The following PDZD2 variants were observed in gnomAD, a reference collection of about 807,000 sequenced individuals.
PDZD2 encodes PDZ domain-containing protein 2.
In PDZD2, 90 loss-of-function variants were observed where a neutral mutation model predicts 220.7. The observed-to-expected ratio is 0.41, with a 90% CI of 0.34 to 0.49. The LOEUF is 0.49. Ranked by LOEUF, PDZD2 falls within the 20% of genes least tolerant of loss-of-function variation. The pLI, the probability that PDZD2 is intolerant of heterozygous loss-of-function variation, is 0.28. For missense variants in PDZD2, 3,174 were observed against 3,608.5 expected (o/e 0.88, Z 3.08); for synonymous variants, 1,375 against 1,450.5 (o/e 0.95, Z 1.18).
At chr5:31,881,231 T>C (rs7711349) in intron 2 of PDZD2, among the ~76,000 whole-genome samples, 5,284 of 152,054 alleles carry the variant, frequency 0.035, 284 homozygotes, top group African/African-American at 0.11. Flanking sequence ...ATAGTTGCCA[T>C]TATGATTGGA....
At chr5:31,671,901 G>A (rs1293821378) in intron 1 of PDZD2, among the ~76,000 whole-genome samples, 1 of 152,162 alleles carries the variant, frequency 6.6e-6, no homozygotes, top group Non-Finnish European at 1.5e-5. Flanking sequence ...GTCCTCACCT[G>A]GAGGGGTGGA....
chr5:32,058,793 G>A (rs1037938326), intron 12 of PDZD2, among the ~76,000 whole-genome samples: 2 of 152,070 alleles, frequency 1.3e-5, no homozygotes, highest in Non-Finnish European at 1.5e-5. Flanking sequence ...ATTCATGCGT[G>A]ATCACCAAAT....
At chr5:31,948,625 G>T (rs1746875547) in intron 2 of PDZD2, among the ~76,000 whole-genome samples, 4 of 152,106 alleles carry the variant, frequency 2.6e-5, no homozygotes, top group Admixed American at 2.6e-4. Context: ...CAGACATAAG[G>T]TATAAAAAGA....
chr5:31,976,707 CTTCTTTCTTT>C (rs1443410471), intron 2 of PDZD2, among the ~76,000 whole-genome samples: 16 of 121,658 alleles, frequency 1.3e-4, no homozygotes, highest in South Asian at 5.4e-4. Flanking sequence ...TCCTTTTTTT[CTTCTTTCTTT>C]TTTTTTTTTT....
intron 19 of PDZD2, among the ~76,000 whole-genome samples, chr5:32,079,197 T>C (rs1289124002): frequency 6.8e-6 from 1 of 146,490 alleles, no homozygotes; most frequent in Non-Finnish European, 1.5e-5. Context: ...AGGCAGAGGT[T>C]GCAGTGAGCT....
At chr5:31,976,752 C>T (rs549068534) in intron 2 of PDZD2, among the ~76,000 whole-genome samples, 7 of 123,326 alleles carry the variant, frequency 5.7e-5, no homozygotes, top group African/African-American at 1.2e-4. Context: ...GAGTCTCCCT[C>T]GGTTGCCCAG....
At position 32,098,166 on chromosome 5, in the gene PDZD2, G is replaced by C. The variant is rs964860590; in HGVS notation, c.7948-198G>C. On this transcript the variant is annotated intron_variant, in intron 22 of 24. Transcript: ENST00000438447. The surrounding 1 kb of genome is among the most constrained non-coding windows in gnomAD (Gnocchi z 4.1). ...CCAGCTACTCAGGAGGCTGAGGCAG[G>C]AGAATCGCTTGAACCCGGGAGGCTG... Among the ~76,000 whole-genome samples the C allele has an allele frequency of 1.3e-5, 2 of 152,112 alleles. No homozygotes were observed. Among genetic ancestry groups the C allele is most frequent in the African/African-American group, 4.8e-5 (2 of 41,416 alleles).
intron 19 of PDZD2, among the ~76,000 whole-genome samples, chr5:32,081,036 T>C (rs1741895517): frequency 6.6e-6 from 1 of 151,176 alleles, no homozygotes; most frequent in Non-Finnish European, 1.5e-5. Context: ...CATTTCCCTG[T>C]GTAACAAACC....
At chr5:31,679,433 C>T (rs1381104306) in intron 1 of PDZD2, among the ~76,000 whole-genome samples, 2 of 152,190 alleles carry the variant, frequency 1.3e-5, no homozygotes, top group African/African-American at 2.4e-5. Context: ...TCTTGTGGGG[C>T]ATTGTGATCT....
chr5:31,895,495 A>G (rs1741463218), intron 2 of PDZD2, among the ~76,000 whole-genome samples: 1 of 152,108 alleles, frequency 6.6e-6, no homozygotes, highest in Admixed American at 6.5e-5. Context: ...TGAGAAATAC[A>G]TTTCTACTGT....
In PDZD2 at chr5:31,675,644, C is replaced by T. The variant is rs544346003; in HGVS notation, c.-361+36207C>T. Among the ~76,000 whole-genome samples the T allele has an allele frequency of 9.8e-5, 15 of 152,294 alleles. No individual in the cohort carries two copies. In the South Asian group the frequency reaches 2.1e-3, roughly 21 times the overall value. On this transcript the variant is annotated intron_variant, in intron 1 of 24. Transcript: ENST00000438447. ...GCACTCCAGAATCACGTGGCCCAATCGATGTCTTACATTCTATCAGTCCTT... is the reference window on the plus strand; with the variant it reads ...GCACTCCAGAATCACGTGGCCCAATTGATGTCTTACATTCTATCAGTCCTT...
At chr5:32,014,921 GATAGTCTCA>G (rs1753661280) in intron 6 of PDZD2, among the ~76,000 whole-genome samples, 1 of 142,978 alleles carries the variant, frequency 7.0e-6, no homozygotes, top group African/African-American at 2.7e-5. Context: ...TGTTGGCCAG[GATAGTCTCA>G]ATCTCTCTCT....
In PDZD2 at chr5:31,814,874, G is replaced by T. The variant is rs184945517; in HGVS notation, c.476+15150G>T. Among the ~76,000 whole-genome samples the T allele has an allele frequency of 2.2e-4, 33 of 152,094 alleles. No individual in the cohort carries two copies. In the East Asian group the frequency reaches 5.2e-3, roughly 24 times the overall value. On this transcript the variant is annotated intron_variant, in intron 2 of 24. Coordinates refer to ENST00000438447, the MANE Select transcript of PDZD2 (RefSeq NM_178140.4). ...TGGAATCAATAGAAAGGAGCGTATG[G>T]GTTAAGATAGGCGGTTGTGCAGGCC...
At chr5:31,913,634 G>T (rs1743400214) in intron 2 of PDZD2, among the ~76,000 whole-genome samples, 1 of 152,154 alleles carries the variant, frequency 6.6e-6, no homozygotes, top group Admixed American at 6.5e-5. Context: ...GCCAGTGTGG[G>T]TTTCTGTCTT....
intron 2 of PDZD2, among the ~76,000 whole-genome samples, chr5:31,864,664 C>G (rs889294184): frequency 6.6e-6 from 1 of 151,800 alleles, no homozygotes; most frequent in Non-Finnish European, 1.5e-5. Context: ...GGATTACAGG[C>G]ATGAACCACC....
chr5:32,107,887 C>CT, intron 24 of PDZD2, 82 bp from the exon 25 acceptor site: 2 of 837,574 alleles, frequency 2.4e-6, no homozygotes, highest in Non-Finnish European at 3.8e-6. Context: ...ATTTTTATCA[C>CT]TTAAAAGTTT....
Position 31,916,898 on chromosome 5 carries a change from GCTAA to G in PDZD2, c.477-66254_477-66251del, listed in dbSNP as rs76221364. On this transcript the variant is annotated intron_variant, in intron 2 of 24. Transcript: ENST00000438447. ...CTTCTGGTTTTAGTGAGAGCCCTGTGCTAACTGTCATCATGACAGGCCCAGTTTG... is the reference window on the plus strand; with the variant it reads ...CTTCTGGTTTTAGTGAGAGCCCTGTGCTGTCATCATGACAGGCCCAGTTTG... 0.023 allele frequency among the ~76,000 whole-genome samples: 3,517 copies of G among 152,266 alleles called. 378 individuals carry two copies. The East Asian group carries it at 0.34, about 15-fold the overall frequency.
chr5:32,057,813 T>C, intron 11 of PDZD2, 65 bp from the exon 12 acceptor site: 2 of 1,441,034 alleles, frequency 1.4e-6, no homozygotes, highest in Non-Finnish European at 1.9e-6. Context: ...TGTTTTTTTT[T>C]TTTAACCCTT....
intron 1 of PDZD2, among the ~76,000 whole-genome samples, chr5:31,649,339 A>T (rs1285791477): frequency 6.6e-6 from 1 of 151,736 alleles, no homozygotes; most frequent in African/African-American, 2.4e-5. Context: ...GACATGCTGT[A>T]CTTCTTTCAG....
Sources: gnomAD v4.1 joint callset for allele counts (sites outside exome capture counted in the v4.1 genomes callset) on GRCh38, gnomAD v4.1.1 for gene constraint, Gnocchi (gnomAD v3.1) non-coding constraint, MANE v1.5 for transcripts, NCBI Gene and HGNC (gene_info 2026-07-23, HGNC 2026-07-21) for gene names.